The following QRFPR variants were observed in gnomAD, a reference collection of about 807,000 sequenced individuals.
QRFPR encodes the protein pyroglutamylated RF-amide peptide receptor.
A neutral mutation model predicts 31.3 loss-of-function variants in QRFPR; 37 were observed. The ratio of observed to expected loss-of-function variants is 1.18; its 90% CI spans 0.91 to 1.56. QRFPR has a LOEUF of 1.56. Ranked by LOEUF, QRFPR falls within the 40% of genes most tolerant of loss-of-function variation. The pLI is 0.00. For missense variants in QRFPR, 542 were observed against 532.5 expected, an observed-to-expected ratio of 1.02 and a Z score of -0.18; for synonymous variants, 197 against 192.0, an observed-to-expected ratio of 1.03 and a Z score of -0.22.
intron 1 of QRFPR, among the ~76,000 whole-genome samples, chr4:121,352,694 A>C (rs61682150): frequency 0.07 from 10,585 of 152,122 alleles, 450 homozygotes; most frequent in East Asian, 0.11. Flanking sequence ...TATTCGTCAC[A>C]TCAAGCATTT....
chr4:121,365,591 T>A (rs1213529337), intron 1 of QRFPR, among the ~76,000 whole-genome samples: 4,408 of 10,202 alleles, frequency 0.43, 677 homozygotes, highest in Admixed American at 0.51. Context: ...TTATATATAT[T>A]ATATATATAT....
At chr4:121,379,197 G>A (rs1455248924) in intron 1 of QRFPR, among the ~76,000 whole-genome samples, 1 of 152,148 alleles carries the variant, frequency 6.6e-6, no homozygotes, top group East Asian at 1.9e-4. Flanking sequence ...ATTATAGATT[G>A]ATAAGAATCA....
chr4:121,373,424 C>T (rs1242199631), intron 1 of QRFPR, among the ~76,000 whole-genome samples: 3 of 152,172 alleles, frequency 2.0e-5, no homozygotes, highest in Non-Finnish European at 4.4e-5. Flanking sequence ...CAGCATAATT[C>T]CTGACTTTAT....
chr4:121,377,103 G>A (rs1726369664), intron 1 of QRFPR, among the ~76,000 whole-genome samples: 1 of 152,210 alleles, frequency 6.6e-6, no homozygotes. Context: ...AAGCCATAGA[G>A]ATGTTTTCTT....
intron 2 of QRFPR, among the ~76,000 whole-genome samples, chr4:121,337,868 A>C (rs534574189): frequency 6.6e-6 from 1 of 152,328 alleles, no homozygotes; most frequent in South Asian, 2.1e-4. Flanking sequence ...ACCAAGAACA[A>C]TTTCAACCCG....
At chr4:121,359,861 C>A (rs1378581651) in intron 1 of QRFPR, among the ~76,000 whole-genome samples, 1 of 151,388 alleles carries the variant, frequency 6.6e-6, no homozygotes, top group Non-Finnish European at 1.5e-5. Flanking sequence ...CTCTAGGGAA[C>A]CCTGACTAAT....
At chr4:121,336,409 G>A (rs561056017) in intron 3 of QRFPR, among the ~76,000 whole-genome samples, 2 of 152,292 alleles carry the variant, frequency 1.3e-5, no homozygotes, top group East Asian at 3.9e-4. Context: ...GGACTTCTGA[G>A]AGTCAACTAA....
At chr4:121,350,586 A>C (rs1278055381) in intron 1 of QRFPR, among the ~76,000 whole-genome samples, 1 of 152,222 alleles carries the variant, frequency 6.6e-6, no homozygotes, top group African/African-American at 2.4e-5. Context: ...TCTTAGTGTC[A>C]ACATTCGGCA....
rs367582583 is a variant in QRFPR, at chr4:121,343,072, C to A, written c.341-2462G>T. The stretch of plus-strand genomic sequence containing the variant: ...GGAACGCCCATGGACCATGGCCATG[C>A]ACCAGGCAGAAGGGAACTCACCAAT... On this transcript the variant is annotated intron_variant, in intron 1 of 5. Transcript: ENST00000394427. 2.7e-4 allele frequency among the ~76,000 whole-genome samples: 41 copies of A among 152,308 alleles called. No individual in the cohort carries two copies. The South Asian group carries it at 8.3e-3, about 31-fold the overall frequency.
chr4:121,372,060 G>C (rs114916669), intron 1 of QRFPR, among the ~76,000 whole-genome samples: 2,163 of 152,294 alleles, frequency 0.014, 16 homozygotes, highest in Non-Finnish European at 0.02. Flanking sequence ...TTACACAAAA[G>C]ACTGTAGCTG....
At chr4:121,355,623 T>C (rs144698475) in intron 1 of QRFPR, among the ~76,000 whole-genome samples, 1,553 of 152,212 alleles carry the variant, frequency 0.01, 96 homozygotes, top group Admixed American at 0.094. Flanking sequence ...TGTTCTTGTC[T>C]TTCTAGTTCT....
intron 1 of QRFPR, among the ~76,000 whole-genome samples, chr4:121,372,663 T>C (rs1726273859): frequency 6.6e-6 from 1 of 152,224 alleles, no homozygotes; most frequent in African/African-American, 2.4e-5. Context: ...TTCATGTAAG[T>C]AGAATCACAC....
intron 1 of QRFPR, among the ~76,000 whole-genome samples, chr4:121,358,522 T>C (rs972054247): frequency 6.6e-5 from 10 of 152,236 alleles, no homozygotes; most frequent in Non-Finnish European, 1.0e-4. Flanking sequence ...ATTTTATTTA[T>C]TAATTTTTGT....
intron 4 of QRFPR, among the ~76,000 whole-genome samples, chr4:121,331,637 T>C (rs995546175): frequency 1.4e-5 from 2 of 146,958 alleles, no homozygotes; most frequent in Non-Finnish European, 3.0e-5. Context: ...TTATTATTAT[T>C]ATTATTATTA....
At chr4:121,363,026 A>G (rs978938684) in intron 1 of QRFPR, among the ~76,000 whole-genome samples, 1 of 150,230 alleles carries the variant, frequency 6.7e-6, no homozygotes, top group Non-Finnish European at 1.5e-5. Context: ...TCCTCCAGAG[A>G]TTTCTTAAAG....
chr4:121,358,182 G>T (rs893555631), intron 1 of QRFPR, among the ~76,000 whole-genome samples: 8 of 152,146 alleles, frequency 5.3e-5, no homozygotes, highest in African/African-American at 1.9e-4. Flanking sequence ...ATGCCTTAAA[G>T]TAATAATAGC....
intron 4 of QRFPR, among the ~76,000 whole-genome samples, chr4:121,331,858 G>A (rs752447632): frequency 3.3e-5 from 5 of 151,866 alleles, no homozygotes; most frequent in East Asian, 3.9e-4. Context: ...TCACCATGTC[G>A]GTCAGGCTGG....
At chr4:121,359,756 G>C (rs1220911773) in intron 1 of QRFPR, among the ~76,000 whole-genome samples, 2 of 137,826 alleles carry the variant, frequency 1.5e-5, no homozygotes, top group Admixed American at 1.7e-4. Context: ...TGTATATATG[G>C]GAGTGTATAT....
intron 4 of QRFPR, among the ~76,000 whole-genome samples, chr4:121,331,199 T>G (rs1351346966): frequency 2.1e-5 from 3 of 143,736 alleles, no homozygotes; most frequent in African/African-American, 8.0e-5. Flanking sequence ...TTTTTTTTTT[T>G]TTTGAGACAA....
Sources: allele counts gnomAD v4.1 joint callset (sites outside exome capture counted in the v4.1 genomes callset), GRCh38; gene constraint gnomAD v4.1.1; transcripts MANE v1.5; gene names NCBI Gene and HGNC (gene_info 2026-07-23, HGNC 2026-07-21).